Variants in AHCYL2 observed in about 807,000 individuals in gnomAD.
AHCYL2 encodes adenosylhomocysteinase like 2.
AHCYL2 carries 28 observed loss-of-function variants against 81.4 expected under a neutral mutation model. The ratio of observed to expected loss-of-function variants is 0.34; its 90% CI spans 0.25 to 0.47. The LOEUF is 0.47. Among genes scored for constraint, AHCYL2 ranks in the 20% least tolerant of loss-of-function variants. The pLI is 1.00. For missense variants in AHCYL2, 551 were observed against 785.1 expected, an observed-to-expected ratio of 0.70 and a Z score of 3.56; for synonymous variants, 272 against 290.2, an observed-to-expected ratio of 0.94 and a Z score of 0.64.
At chr7:129,257,882 A>G (rs1795480457) in intron 1 of AHCYL2, among the ~76,000 whole-genome samples, 1 of 152,226 alleles carries the variant, frequency 6.6e-6, no homozygotes, top group African/African-American at 2.4e-5. Flanking sequence ...AATAGCATTT[A>G]TATACATTTT....
chr7:129,425,346 T>C (rs1284568750), intron 15 of AHCYL2, among the ~76,000 whole-genome samples: 1 of 152,220 alleles, frequency 6.6e-6, no homozygotes, highest in Non-Finnish European at 1.5e-5. Flanking sequence ...TGTGATATTA[T>C]GCTGTGATTT....
intron 1 of AHCYL2, among the ~76,000 whole-genome samples, chr7:129,236,935 G>A (rs955798572): frequency 4.0e-5 from 6 of 151,782 alleles, no homozygotes; most frequent in African/African-American, 1.5e-4. Context: ...TGGGGATACA[G>A]CAGTAAACAA....
chr7:129,400,560 T>C (rs1053191596), intron 6 of AHCYL2, among the ~76,000 whole-genome samples, 176 bp downstream of exon 6: 4 of 152,218 alleles, frequency 2.6e-5, no homozygotes, highest in East Asian at 1.9e-4. Flanking sequence ...CCCAAGAGTA[T>C]TGAAGCTCTT....
In AHCYL2 at chr7:129,375,958, C is replaced by T. The variant is rs145067276; in HGVS notation, c.364-3680C>T. ...CTAAGCTCTTATTTACCAGTCTTGC[C>T]GCTGCTATAGCCATTATTGTAAAAG... On this transcript the variant is annotated intron_variant, in intron 1 of 16. Coordinates refer to ENST00000325006, the MANE Select transcript of AHCYL2 (RefSeq NM_015328.4). 4.0e-5 allele frequency: 61 copies of T among 1,535,856 alleles called. No individual in the cohort carries two copies. The East Asian group carries it at 4.9e-4, about 12-fold the overall frequency.
intron 3 of AHCYL2, 90 bp downstream of exon 3, chr7:129,389,289 G>C (rs1198397282): frequency 1.3e-6 from 2 of 1,489,160 alleles, no homozygotes. Context: ...CTGGTAGCTT[G>C]TGAAATTTCT....
chr7:129,360,623 G>T (rs1428239227), intron 1 of AHCYL2, among the ~76,000 whole-genome samples: 1 of 152,186 alleles, frequency 6.6e-6, no homozygotes, highest in Non-Finnish European at 1.5e-5. Context: ...TCAGTAATTC[G>T]TGTAATTGAT....
chr7:129,332,200 CTCT>C lies in AHCYL2; in HGVS notation c.364-47433_364-47431del, dbSNP rs201801982. Among the ~76,000 whole-genome samples, 768 of 152,186 alleles carry C rather than the reference CTCT, an allele frequency of 5.0e-3. 31 individuals carry two copies. The highest frequency in any genetic ancestry group is 0.046 in the Admixed American group (696 of 15,264). On this transcript the variant is annotated intron_variant, in intron 1 of 16. Coordinates refer to ENST00000325006, the MANE Select transcript of AHCYL2 (RefSeq NM_015328.4). Reference sequence around the variant, plus strand: ...TATTGGGATAATGGTTAATTTTTGTCTCTTCTTTTATTATTGTTTTCCACAGTG... The same window carrying C: ...TATTGGGATAATGGTTAATTTTTGTCTCTTTTATTATTGTTTTCCACAGTG...
intron 1 of AHCYL2, among the ~76,000 whole-genome samples, chr7:129,374,470 A>C (rs1158811369): frequency 1.3e-5 from 2 of 152,026 alleles, no homozygotes; most frequent in African/African-American, 2.4e-5. Context: ...GCAGTATGCA[A>C]TGTGACCTTC....
At chr7:129,230,182 A>C (rs1185129590) in intron 1 of AHCYL2, among the ~76,000 whole-genome samples, 2 of 146,892 alleles carry the variant, frequency 1.4e-5, no homozygotes, top group African/African-American at 5.1e-5. Context: ...TCCTGGGTTC[A>C]AGCGATTCTC....
At chr7:129,329,980 G>A (rs1798360213) in intron 1 of AHCYL2, among the ~76,000 whole-genome samples, 1 of 152,144 alleles carries the variant, frequency 6.6e-6, no homozygotes, top group African/African-American at 2.4e-5. Flanking sequence ...CTTGGGAATA[G>A]AAAACCTTTT....
chr7:129,335,027 A>T (rs928874422), intron 1 of AHCYL2, among the ~76,000 whole-genome samples: 7 of 152,174 alleles, frequency 4.6e-5, no homozygotes, highest in Non-Finnish European at 1.0e-4. Flanking sequence ...TTTTTGACCT[A>T]TGAAATTAGT....
chr7:129,389,560 C>G, intron 3 of AHCYL2, 74 bp from the exon 4 acceptor site: 1 of 1,258,088 alleles, frequency 7.9e-7, no homozygotes, highest in Non-Finnish European at 1.1e-6. Flanking sequence ...CTTAAGAAAA[C>G]AAGTTTTTCT....
chr7:129,282,631 C>T (rs1186273982), intron 1 of AHCYL2, among the ~76,000 whole-genome samples: 7 of 152,106 alleles, frequency 4.6e-5, no homozygotes, highest in Non-Finnish European at 1.0e-4. Flanking sequence ...CCCTTGTCTG[C>T]TAATTCTAAC....
At chr7:129,361,433 C>T (rs906100593) in intron 1 of AHCYL2, among the ~76,000 whole-genome samples, 1 of 152,182 alleles carries the variant, frequency 6.6e-6, no homozygotes, top group Admixed American at 6.5e-5. Context: ...AATTGCCTCT[C>T]TCCTTGTACT....
At chr7:129,373,420 A>C (rs1228532724) in intron 1 of AHCYL2, among the ~76,000 whole-genome samples, 7 of 151,992 alleles carry the variant, frequency 4.6e-5, no homozygotes, top group South Asian at 2.1e-4. Flanking sequence ...CTCTACTAAA[A>C]AAAACAAAAC....
chr7:129,374,766 C>T (rs1200863858), intron 1 of AHCYL2, among the ~76,000 whole-genome samples: 3 of 145,060 alleles, frequency 2.1e-5, no homozygotes, highest in Non-Finnish European at 4.5e-5. Context: ...GAGATCGCAT[C>T]ATTGCACTCC....
chr7:129,422,759 G>T, intron 12 of AHCYL2, 81 bp from the exon 13 acceptor site: 1 of 1,277,936 alleles, frequency 7.8e-7, no homozygotes, highest in Non-Finnish European at 1.1e-6. Context: ...CCTGCTATTT[G>T]AAATGGCTCC....
In AHCYL2 at chr7:129,427,142, CA is replaced by C; in HGVS notation, c.*100del. ...GAATTCAGCAAGCTGCTTCTCCAAT[CA>C]AAGCTGCCTGCCGTGCTCACCCTGT... On this transcript the variant is annotated 3_prime_UTR_variant, in exon 17 of 17. Transcript: ENST00000325006. This position sits in a 1 kb window ranked among gnomAD's most constrained non-coding sequence, Gnocchi z 5.5. 7.8e-7 allele frequency: 1 copy of C among 1,284,866 alleles called. No homozygotes were observed. The allele number at this position is 1,284,866 out of a possible 1,614,324, so 79.6% of individuals were successfully genotyped here. A position where few individuals can be genotyped will look rare whatever the true frequency, so the allele number is the denominator to read the frequency against.
chr7:129,317,077 A>G (rs1450372034), intron 1 of AHCYL2, among the ~76,000 whole-genome samples: 9 of 152,206 alleles, frequency 5.9e-5, no homozygotes, highest in Non-Finnish European at 1.0e-4. Flanking sequence ...TCGTTGATTC[A>G]CTTAGAGACA....
Sources: allele counts gnomAD v4.1 joint callset (sites outside exome capture counted in the v4.1 genomes callset), GRCh38; gene constraint gnomAD v4.1.1; non-coding constraint Gnocchi (gnomAD v3.1); transcripts MANE v1.5; gene names NCBI Gene and HGNC (gene_info 2026-07-23, HGNC 2026-07-21).